ATRX: variants seen among roughly 807,000 people sequenced by gnomAD.
ATRX encodes the protein chromatin remodeler ATRX.
ATRX carries 12 observed loss-of-function variants against 172.6 expected under a neutral mutation model. The observed-to-expected ratio is 0.07, with a 90% CI of 0.04 to 0.11. The LOEUF (loss-of-function observed/expected upper bound fraction) is 0.11, where lower values mean the gene tolerates loss of function less well. ATRX is among the 10% of genes least tolerant of loss of function. The pLI, the probability that ATRX is intolerant of heterozygous loss-of-function variation, is 1.00. For synonymous variants in ATRX, 674 were observed against 594.7 expected (o/e 1.13, Z -1.94); for missense variants, 1,368 against 1,767.4 (o/e 0.77, Z 4.05).
Position 77,682,017 on chromosome X carries a change from T to C in ATRX, c.3239A>G (p.Lys1080Arg), listed in dbSNP as rs1182480740. 1 of 1,210,858 alleles carries C rather than the reference T, an allele frequency of 8.3e-7. No individual in the cohort carries two copies. Among genetic ancestry groups the C allele is most frequent in the East Asian group, 3.0e-5 (1 of 33,809 alleles). The change falls in exon 9 of 35, where the codon AAA becomes AGA. Residue 1080 changes from lysine (K) to arginine (R), a missense_variant. Lys to Arg is a conservative substitution (Grantham distance 26). Around this residue, in one of 17 missense-constraint regions of ATRX, gnomAD observed 843 missense variants for 643.1 expected, o/e 1.31. Coordinates refer to ENST00000373344, the MANE Select transcript of ATRX (RefSeq NM_000489.6). ...KGDSCDSSED[K>R]KSKNGAYGRE... ...ACCATATGCTCCATTCTTACTCTTT[T>C]TATCCTCTGAAGAGTCACAACTATC...
chrX:77,605,876 G>C (rs1380631247), intron 22 of ATRX, among the ~76,000 whole-genome samples: 1 of 111,191 alleles, frequency 9.0e-6, no homozygotes. Context: ...AAAAAAGAGA[G>C]AATACCCAAA....
chrX:77,683,856 T>C lies in ATRX; in HGVS notation c.1400A>G (p.Lys467Arg). 4 of 1,210,808 alleles carry C rather than the reference T, an allele frequency of 3.3e-6. No homozygotes were observed. Among genetic ancestry groups the C allele is most frequent in the Non-Finnish European group, 4.5e-6 (4 of 894,632 alleles). Residue 467 changes from lysine to arginine, a missense_variant, in exon 9 of 35, where the codon AAA (lysine) becomes AGA (arginine). By Grantham distance (26) the Lys-to-Arg change is conservative. Around this residue, in one of 17 missense-constraint regions of ATRX, gnomAD observed 843 missense variants for 643.1 expected, o/e 1.31. Coordinates refer to ENST00000373344, the MANE Select transcript of ATRX (RefSeq NM_000489.6). Reference protein sequence around the residue: ...ISKSEAKLSRKQVDSEHMHQN... With the variant: ...ISKSEAKLSRRQVDSEHMHQN... ...ATGCATGTGCTCACTATCTACCTGTTTTCTTGAAAGTTTAGCTTCTGACTT... is the reference window on the plus strand; with the variant it reads ...ATGCATGTGCTCACTATCTACCTGTCTTCTTGAAAGTTTAGCTTCTGACTT...
chrX:77,726,985 G>C (rs2074073987), intron 1 of ATRX, among the ~76,000 whole-genome samples: 1 of 110,852 alleles, frequency 9.0e-6, no homozygotes, highest in Non-Finnish European at 1.9e-5. Flanking sequence ...AAATTTATAA[G>C]AAAAAAACAA....
intron 14 of ATRX, among the ~76,000 whole-genome samples, chrX:77,653,334 G>A (rs1205314827): frequency 1.8e-5 from 2 of 112,165 alleles, no homozygotes; most frequent in African/African-American, 6.5e-5. Flanking sequence ...ACAAAATGTG[G>A]CACACACTTA....
At chrX:77,558,285 C>A (rs192713746) in intron 29 of ATRX, among the ~76,000 whole-genome samples, 2 of 109,961 alleles carry the variant, frequency 1.8e-5, no homozygotes, top group East Asian at 5.7e-4. Flanking sequence ...AAACAAATAA[C>A]AGGAAAGAGT....
intron 30 of ATRX, among the ~76,000 whole-genome samples, chrX:77,537,798 G>A (rs782773771): frequency 1.8e-5 from 2 of 111,633 alleles, no homozygotes; most frequent in Non-Finnish European, 3.8e-5. Flanking sequence ...CTAGATATAT[G>A]GCTGTCATAA....
At chrX:77,652,496 T>C (rs2069301322) in intron 14 of ATRX, 143 bp from the exon 15 acceptor site, 1 of 616,820 alleles carries the variant, frequency 1.6e-6, no homozygotes, top group Admixed American at 4.4e-5. Context: ...TAGAGTAGTA[T>C]TAAAAAAAAA....
At chrX:77,554,577 C>T (rs782408480) in intron 30 of ATRX, among the ~76,000 whole-genome samples, 8 of 111,913 alleles carry the variant, frequency 7.1e-5, no homozygotes, top group Non-Finnish European at 9.4e-5. Context: ...TTCATCATCC[C>T]TTAAGCCTGG....
rs951634317 is a variant in ATRX, at chrX:77,684,020, G to T, written c.1236C>A (p.Asp412Glu). The change falls in exon 9 of 35, where the codon GAC becomes GAA. Residue 412 changes from aspartate to glutamate, a missense_variant. By Grantham distance (45) the Asp-to-Glu change is conservative (BLOSUM62 2). Transcript: ENST00000373344. ...IKKAHLALEE[D>E]LNSEFRAMDA... Reference sequence around the variant, plus strand: ...CCATCGCTCGAAACTCGGAATTTAAGTCTTCTTCCAATGCAAGATGAGCCT... The same window carrying T: ...CCATCGCTCGAAACTCGGAATTTAATTCTTCTTCCAATGCAAGATGAGCCT... The T allele has an allele frequency of 1.0e-5, 12 of 1,204,102 alleles. No homozygotes were observed. Among genetic ancestry groups the T allele is most frequent in the Admixed American group, 2.2e-5 (1 of 45,716 alleles).
intron 30 of ATRX, among the ~76,000 whole-genome samples, chrX:77,536,840 T>TAC (rs1183275586): frequency 6.3e-5 from 7 of 110,475 alleles, no homozygotes; most frequent in Admixed American, 1.9e-4. Context: ...TATATATACT[T>TAC]ACACACACAC....
At chrX:77,759,078 G>A (rs781999825) in intron 1 of ATRX, among the ~76,000 whole-genome samples, 8 of 111,798 alleles carry the variant, frequency 7.2e-5, no homozygotes, top group Non-Finnish European at 1.3e-4. Flanking sequence ...AATGTGAGTT[G>A]ACTATTACAA....
At chrX:77,645,499 A>G (rs2068869431) in intron 15 of ATRX, among the ~76,000 whole-genome samples, 1 of 111,235 alleles carries the variant, frequency 9.0e-6, no homozygotes, top group African/African-American at 3.3e-5. Context: ...AAGTTAAGAC[A>G]CTCCTAAGCC....
chrX:77,550,569 C>T (rs782698567), intron 30 of ATRX, among the ~76,000 whole-genome samples: 2 of 111,259 alleles, frequency 1.8e-5, no homozygotes, highest in African/African-American at 6.5e-5. Flanking sequence ...ACAGGGATGC[C>T]CTCTCTCACC....
intron 10 of ATRX, among the ~76,000 whole-genome samples, chrX:77,671,163 A>ATAT (rs2070569623): frequency 8.4e-5 from 3 of 35,708 alleles, no homozygotes; most frequent in African/African-American, 1.7e-4. Flanking sequence ...AAAAAAAAAA[A>ATAT]AAAAATATAT....
Position 77,550,185 on chromosome X carries a change from G to A in ATRX, c.6699+7266C>T, listed in dbSNP as rs150076182. Among the ~76,000 whole-genome samples the A allele has an allele frequency of 4.3e-3, 477 of 111,210 alleles. 2 individuals carry two copies. Among genetic ancestry groups the A allele is most frequent in the South Asian group, 0.01 (27 of 2,612 alleles). Reference sequence around the variant, plus strand: ...TCTAATTCCAACACTGCTTTTCAATGATATATGGATCACTAAGGAACACTA... The same window carrying A: ...TCTAATTCCAACACTGCTTTTCAATAATATATGGATCACTAAGGAACACTA... On this transcript the variant is annotated intron_variant, in intron 30 of 34. Transcript: ENST00000373344.
chrX:77,746,272 G>T (rs1557184866), intron 1 of ATRX, among the ~76,000 whole-genome samples: 1 of 110,554 alleles, frequency 9.0e-6, no homozygotes, highest in Non-Finnish European at 1.9e-5. Flanking sequence ...TAAAAAAAAA[G>T]TGCACAAGTA....
At chrX:77,556,811 G>T (rs952233042) in intron 30 of ATRX, among the ~76,000 whole-genome samples, 1 of 111,879 alleles carries the variant, frequency 8.9e-6, no homozygotes, top group Admixed American at 9.5e-5. Context: ...CCATTTGGAG[G>T]ACAAAAAATT....
intron 1 of ATRX, among the ~76,000 whole-genome samples, chrX:77,747,091 G>A (rs1290884706): frequency 3.6e-5 from 4 of 110,906 alleles, no homozygotes; most frequent in Non-Finnish European, 7.5e-5. Context: ...GAGCCACCGC[G>A]CCCGGCCTGA....
intron 32 of ATRX, chrX:77,521,771 A>G (rs1209982151): frequency 3.9e-6 from 1 of 259,255 alleles, no homozygotes; most frequent in Non-Finnish European, 6.9e-6. Context: ...TGTGTTTCAG[A>G]TTCAATTAAG....
Sources: gnomAD v4.1 joint callset for allele counts (sites outside exome capture counted in the v4.1 genomes callset) on GRCh38, gnomAD v4.1.1 for gene constraint, gnomAD v4.1.1 regional missense constraint, MANE v1.5 for transcripts, NCBI Gene and HGNC (gene_info 2026-07-23, HGNC 2026-07-21) for gene names.